The following TMEM108 variants were observed in gnomAD, a reference collection of about 807,000 sequenced individuals.
TMEM108 encodes cancer/testis antigen 124.
TMEM108 carries 12 observed loss-of-function variants against 35.1 expected under a neutral mutation model. That is an observed-to-expected ratio of 0.34 (90% confidence interval 0.22 to 0.55). The LOEUF (loss-of-function observed/expected upper bound fraction) is 0.55. Among genes scored for constraint, TMEM108 ranks in the 20% least tolerant of loss-of-function variants. The pLI is 0.89. For missense variants in TMEM108, 680 were observed against 753.3 expected, an observed-to-expected ratio of 0.90 and a Z score of 1.14; for synonymous variants, 287 against 308.6, an observed-to-expected ratio of 0.93 and a Z score of 0.73.
At chr3:133,105,691 C>T (rs1329775412) in intron 2 of TMEM108, among the ~76,000 whole-genome samples, 5 of 152,318 alleles carry the variant, frequency 3.3e-5, no homozygotes, top group African/African-American at 7.2e-5. Flanking sequence ...CAAACTTCCA[C>T]GACTTTCTCT....
chr3:133,296,250 C>T (rs980683969), intron 3 of TMEM108, among the ~76,000 whole-genome samples: 1 of 152,078 alleles, frequency 6.6e-6, no homozygotes, highest in East Asian at 1.9e-4. Flanking sequence ...ATAGAAGAAT[C>T]GTTAAAGCTG....
chr3:133,237,022 T>A (rs1946246978), intron 3 of TMEM108, among the ~76,000 whole-genome samples: 1 of 152,092 alleles, frequency 6.6e-6, no homozygotes, highest in African/African-American at 2.4e-5. Context: ...CATTTTGAAG[T>A]GATTTGGTAT....
intron 2 of TMEM108, among the ~76,000 whole-genome samples, chr3:133,137,208 CT>C (rs1944576840): frequency 6.6e-6 from 1 of 152,142 alleles, no homozygotes; most frequent in African/African-American, 2.4e-5. Context: ...CTCATTTAAT[CT>C]ATTGTGCAAT....
chr3:133,231,691 A>G (rs1167388726), intron 3 of TMEM108, among the ~76,000 whole-genome samples: 1 of 152,212 alleles, frequency 6.6e-6, no homozygotes, highest in Non-Finnish European at 1.5e-5. Flanking sequence ...AGAAAAGAGG[A>G]GCAACAGCTT....
At chr3:133,272,524 C>T (rs1333390066) in intron 3 of TMEM108, among the ~76,000 whole-genome samples, 4 of 151,734 alleles carry the variant, frequency 2.6e-5, no homozygotes, top group Admixed American at 1.3e-4. Flanking sequence ...CGCAGCTAAC[C>T]ACGGGCAGAG....
intron 3 of TMEM108, among the ~76,000 whole-genome samples, chr3:133,271,693 T>C (rs1946773253): frequency 6.6e-6 from 1 of 152,136 alleles, no homozygotes; most frequent in Non-Finnish European, 1.5e-5. Context: ...GACTCTCCTA[T>C]AGGAGTCAGA....
At chr3:133,193,897 T>C (rs1945537552) in intron 2 of TMEM108, among the ~76,000 whole-genome samples, 1 of 151,850 alleles carries the variant, frequency 6.6e-6, no homozygotes, top group Admixed American at 6.6e-5. Context: ...TTGTAAGGTT[T>C]AATGAAATAC....
chr3:133,301,449 A>C (rs570269022), intron 3 of TMEM108, among the ~76,000 whole-genome samples: 62 of 152,278 alleles, frequency 4.1e-4, no homozygotes, highest in Non-Finnish European at 7.3e-4. Flanking sequence ...CCTATCATGC[A>C]CAGTGGGCAT....
At chr3:133,314,529 A>T (rs1183357605) in intron 3 of TMEM108, among the ~76,000 whole-genome samples, 1 of 152,224 alleles carries the variant, frequency 6.6e-6, no homozygotes, top group Non-Finnish European at 1.5e-5. Flanking sequence ...GCTGGTCCTC[A>T]TTAAGAACCC....
intron 2 of TMEM108, among the ~76,000 whole-genome samples, chr3:133,095,220 G>A (rs1280631631): frequency 6.6e-6 from 1 of 152,150 alleles, no homozygotes; most frequent in African/African-American, 2.4e-5. Context: ...GAGTATAAGA[G>A]GATTATGAGA....
intron 2 of TMEM108, among the ~76,000 whole-genome samples, chr3:133,169,309 C>CGAG (rs1208937907): frequency 3.1e-5 from 4 of 127,690 alleles, no homozygotes; most frequent in Non-Finnish European, 6.6e-5. Context: ...TAGTTGTGTA[C>CGAG]TCATCTTTGG....
intron 2 of TMEM108, among the ~76,000 whole-genome samples, chr3:133,117,094 C>G (rs1315489190): frequency 6.6e-6 from 1 of 152,186 alleles, no homozygotes; most frequent in Non-Finnish European, 1.5e-5. Flanking sequence ...TTAATTCAAA[C>G]AGTACACATT....
At chr3:133,220,512 A>C (rs1034020708) in intron 2 of TMEM108, among the ~76,000 whole-genome samples, 5 of 152,180 alleles carry the variant, frequency 3.3e-5, no homozygotes, top group Non-Finnish European at 7.3e-5. Context: ...TTTTAGAAGG[A>C]GTTTATTCAT....
chr3:133,341,102 A>T (rs1442210924), intron 3 of TMEM108, among the ~76,000 whole-genome samples: 1 of 151,886 alleles, frequency 6.6e-6, no homozygotes, highest in East Asian at 1.9e-4. Context: ...CAAATTGGAA[A>T]GGAAGAAGTC....
intron 2 of TMEM108, among the ~76,000 whole-genome samples, chr3:133,061,131 C>G (rs935933898): frequency 6.6e-6 from 1 of 151,700 alleles, no homozygotes; most frequent in African/African-American, 2.4e-5. Flanking sequence ...AAAATCTTAG[C>G]AGTGTTTTTT....
chr3:133,380,052 C>G lies in TMEM108; in HGVS notation c.341C>G (p.Ser114Cys), dbSNP rs1416429086. 1 of 1,613,876 alleles carries G rather than the reference C, an allele frequency of 6.2e-7. No individual in the cohort carries two copies. Among genetic ancestry groups the G allele is most frequent in the Non-Finnish European group, 8.5e-7 (1 of 1,179,992 alleles). ...GCCCCCCATTCTGAAAGCTCCCTGT[C>G]CACAGGGCCCGCTCCAGCAGCCATG... ...VTAPHSESSL[S>C]TGPAPAAMAT... is the part of the protein sequence containing the mutation. Residue 114 changes from serine to cysteine, a missense_variant, in exon 4 of 6, where the codon TCC (serine) becomes TGC (cysteine). This residue lies in a region of TMEM108 where 526 missense variants were observed against 532.1 expected (regional missense o/e 0.99). Transcript: ENST00000321871. This position sits in a 1 kb window ranked among gnomAD's most constrained non-coding sequence, Gnocchi z 5.3.
chr3:133,385,547 G>T (rs2073126909), intron 4 of TMEM108, among the ~76,000 whole-genome samples: 1 of 152,204 alleles, frequency 6.6e-6, no homozygotes, highest in Non-Finnish European at 1.5e-5. Flanking sequence ...GGAGGGAAAT[G>T]GCTGTGCACA....
intron 3 of TMEM108, among the ~76,000 whole-genome samples, chr3:133,369,107 C>T (rs760110523): frequency 2.0e-5 from 3 of 152,152 alleles, no homozygotes; most frequent in Non-Finnish European, 4.4e-5. Flanking sequence ...CAAGATTGAA[C>T]GCAAATCCCA....
At chr3:133,352,761 G>A (rs1280889376) in intron 3 of TMEM108, among the ~76,000 whole-genome samples, 1 of 152,152 alleles carries the variant, frequency 6.6e-6, no homozygotes, top group Non-Finnish European at 1.5e-5. Context: ...CACCCTCCTA[G>A]CACTGTTATG....
Sources: allele counts gnomAD v4.1 joint callset (sites outside exome capture counted in the v4.1 genomes callset), GRCh38; gene constraint gnomAD v4.1.1; regional missense constraint gnomAD v4.1.1; non-coding constraint Gnocchi (gnomAD v3.1); transcripts MANE v1.5; gene names NCBI Gene and HGNC (gene_info 2026-07-23, HGNC 2026-07-21).